Variants in LHFPL6 observed in about 807,000 individuals in gnomAD.
LHFPL6 encodes the protein LHFPL tetraspan subfamily member 6, also known as LHFPL tetraspan subfamily member 6 protein.
LHFPL6 carries 9 observed loss-of-function variants against 20.6 expected under a neutral mutation model. The observed-to-expected ratio is 0.44, with a 90% CI of 0.26 to 0.76. The LOEUF (loss-of-function observed/expected upper bound fraction) is 0.76, where lower values mean the gene tolerates loss of function less well. Among genes scored for constraint, LHFPL6 ranks in the 30% least tolerant of loss-of-function variants. LHFPL6 has a pLI of 0.20. For missense variants in LHFPL6, 218 were observed against 253.5 expected (o/e 0.86, Z 0.95); for synonymous variants, 105 against 98.7 (o/e 1.06, Z -0.38).
intron 2 of LHFPL6, among the ~76,000 whole-genome samples, chr13:39,460,261 G>C (rs1872660188): frequency 6.6e-6 from 1 of 152,148 alleles, no homozygotes; most frequent in Non-Finnish European, 1.5e-5. Flanking sequence ...TAAGGTTCAA[G>C]AATACAATGG....
At chr13:39,410,043 A>G (rs1338670712) in intron 2 of LHFPL6, among the ~76,000 whole-genome samples, 1 of 152,252 alleles carries the variant, frequency 6.6e-6, no homozygotes, top group African/African-American at 2.4e-5. Context: ...ACTTAATATA[A>G]AAACTCTTAA....
chr13:39,472,424 C>T (rs55749444), intron 2 of LHFPL6, among the ~76,000 whole-genome samples: 1 of 152,172 alleles, frequency 6.6e-6, no homozygotes, highest in Admixed American at 6.5e-5. Context: ...AGTGAATCTG[C>T]GTCCTTTCTC....
chr13:39,420,565 G>A (rs9548759), intron 2 of LHFPL6, among the ~76,000 whole-genome samples: 144,227 of 152,270 alleles, frequency 0.95, 68,805 homozygotes, highest in East Asian at 1. Flanking sequence ...TGTAGATACT[G>A]AAGGAAGTGG....
At chr13:39,399,414 A>G (rs554918520) in intron 2 of LHFPL6, among the ~76,000 whole-genome samples, 1 of 152,346 alleles carries the variant, frequency 6.6e-6, no homozygotes, top group South Asian at 2.1e-4. Flanking sequence ...AAGTATTTTA[A>G]TTAGCATTTA....
intron 2 of LHFPL6, among the ~76,000 whole-genome samples, chr13:39,482,615 G>T (rs1158208613): frequency 6.6e-6 from 1 of 152,162 alleles, no homozygotes; most frequent in Non-Finnish European, 1.5e-5. Context: ...GCTGCAGAGA[G>T]ATATAGTAAA....
chr13:39,424,284 TGAATCACACAATAAAGGAATAAAG>T (rs1163243002), intron 2 of LHFPL6, among the ~76,000 whole-genome samples: 183 of 152,170 alleles, frequency 1.2e-3, no homozygotes, highest in African/African-American at 3.6e-3. Flanking sequence ...TCTTAGGGTC[TGAATCACACAATAAAGGAATAAAG>T]GAATCACACA....
intron 3 of LHFPL6, among the ~76,000 whole-genome samples, chr13:39,355,366 C>T (rs543611600): frequency 1.8e-4 from 27 of 152,220 alleles, no homozygotes; most frequent in African/African-American, 6.5e-4. Flanking sequence ...TACCACCAGA[C>T]CAGCCTTACC....
Position 39,601,276 on chromosome 13 carries a change from T to G in LHFPL6, c.-60A>C. 2.0e-6 allele frequency: 3 copies of G among 1,507,312 alleles called. No individual in the cohort carries two copies. The highest frequency in any genetic ancestry group is 1.8e-6 in the Non-Finnish European group (2 of 1,121,088). 93.4% of individuals were successfully genotyped at this position (1,507,312 alleles called of 1,614,324 possible). A position where few individuals can be genotyped will look rare whatever the true frequency, so the allele number is the denominator to read the frequency against. Reference sequence around the variant, plus strand: ...AGTGTTCAGGGACTGCAGGAGTGAATGAAGGTGTGAAATCACCAGGGACCC... The same window carrying G: ...AGTGTTCAGGGACTGCAGGAGTGAAGGAAGGTGTGAAATCACCAGGGACCC... On this transcript the variant is annotated 5_prime_UTR_variant, in exon 2 of 4. Transcript: ENST00000379589.
chr13:39,490,580 G>C (rs574308056), intron 2 of LHFPL6, among the ~76,000 whole-genome samples: 6 of 152,230 alleles, frequency 3.9e-5, no homozygotes, highest in African/African-American at 1.2e-4. Flanking sequence ...CAGTAAGTCA[G>C]TAGCTACTAA....
intron 2 of LHFPL6, among the ~76,000 whole-genome samples, chr13:39,549,609 G>T (rs1185559883): frequency 1.3e-5 from 2 of 152,026 alleles, no homozygotes; most frequent in Non-Finnish European, 2.9e-5. Context: ...CACAGTTTGG[G>T]TTATAAAGTT....
intron 2 of LHFPL6, among the ~76,000 whole-genome samples, chr13:39,567,130 A>T (rs7985820): frequency 0.055 from 8,372 of 151,862 alleles, 377 homozygotes; most frequent in African/African-American, 0.12. Flanking sequence ...TCTCTGTCCC[A>T]AACACAGATC....
chr13:39,532,030 T>C (rs1454410211), intron 2 of LHFPL6, among the ~76,000 whole-genome samples: 3 of 152,196 alleles, frequency 2.0e-5, no homozygotes, highest in Non-Finnish European at 4.4e-5. Context: ...ATGCAAACTA[T>C]AATGCCAACA....
At chr13:39,519,078 A>G (rs1215323942) in intron 2 of LHFPL6, among the ~76,000 whole-genome samples, 2 of 152,174 alleles carry the variant, frequency 1.3e-5, no homozygotes, top group African/African-American at 4.8e-5. Flanking sequence ...TCTACTAAAA[A>G]TACAAAAATT....
rs570168528 is a variant in LHFPL6, at chr13:39,565,645, A to G, written c.385+35187T>C. Among the ~76,000 whole-genome samples, 9 of 152,368 alleles carry G rather than the reference A, an allele frequency of 5.9e-5. No individual in the cohort carries two copies. In the South Asian group the frequency reaches 1.9e-3, roughly 32 times the overall value. ...ATTTCTGAATGAACATTTGATTATT[A>G]TAACAGAACATTCTATGTATAATCT... On this transcript the variant is annotated intron_variant, in intron 2 of 3. Coordinates refer to ENST00000379589, the MANE Select transcript of LHFPL6 (RefSeq NM_005780.3).
At chr13:39,563,907 A>G (rs1368315614) in intron 2 of LHFPL6, among the ~76,000 whole-genome samples, 1 of 152,184 alleles carries the variant, frequency 6.6e-6, no homozygotes. Flanking sequence ...AATGAGGCTA[A>G]TAGACACTAT....
intron 2 of LHFPL6, among the ~76,000 whole-genome samples, chr13:39,382,621 C>T (rs1014369166): frequency 6.6e-6 from 1 of 152,060 alleles, no homozygotes; most frequent in African/African-American, 2.4e-5. Context: ...AACTCCTGAC[C>T]TTGTGATCTG....
intron 2 of LHFPL6, among the ~76,000 whole-genome samples, chr13:39,416,812 C>G (rs151107505): frequency 6.6e-6 from 1 of 152,230 alleles, no homozygotes; most frequent in East Asian, 1.9e-4. Flanking sequence ...ATCAAATTTT[C>G]CTCCTAAAGT....
chr13:39,484,783 G>A (rs887598462), intron 2 of LHFPL6, among the ~76,000 whole-genome samples: 7 of 152,140 alleles, frequency 4.6e-5, no homozygotes, highest in African/African-American at 1.4e-4. Flanking sequence ...TTGCGGAGGG[G>A]GATGAATGAG....
At chr13:39,489,600 G>A (rs1184956243) in intron 2 of LHFPL6, among the ~76,000 whole-genome samples, 5 of 151,502 alleles carry the variant, frequency 3.3e-5, no homozygotes, top group Non-Finnish European at 4.4e-5. Flanking sequence ...TGTTACCCAG[G>A]CTGGAGTGCA....
Sources: gnomAD v4.1 joint callset for allele counts (sites outside exome capture counted in the v4.1 genomes callset) on GRCh38, gnomAD v4.1.1 for gene constraint, MANE v1.5 for transcripts, NCBI Gene and HGNC (gene_info 2026-07-23, HGNC 2026-07-21) for gene names.